SUGCT: variants seen among roughly 807,000 people sequenced by gnomAD.
SUGCT encodes succinyl-CoA:glutarate CoA-transferase.
Under a neutral mutation model 55.0 loss-of-function variants are expected in SUGCT, and 41 were observed. The observed-to-expected ratio is 0.74, with a 90% CI of 0.58 to 0.97. The LOEUF is 0.97. Among genes scored for constraint, SUGCT ranks in the 50% least tolerant of loss-of-function variants. The pLI is 0.00. For synonymous variants in SUGCT, 187 were observed against 200.4 expected, an observed-to-expected ratio of 0.93 and a Z score of 0.56; for missense variants, 568 against 547.8, an observed-to-expected ratio of 1.04 and a Z score of -0.37.
In SUGCT at chr7:40,333,489, T is replaced by C. The variant is rs377336468; in HGVS notation, c.816+16634T>C. ...ACATCTCTACTAAAAATATGAAAATTAGCCCAGTGTGGGGGCATGGACCTG... is the reference window on the plus strand; with the variant it reads ...ACATCTCTACTAAAAATATGAAAATCAGCCCAGTGTGGGGGCATGGACCTG... On this transcript the variant is annotated intron_variant, in intron 9 of 13. Coordinates refer to ENST00000335693, the MANE Select transcript of SUGCT (RefSeq NM_001193313.2). 4.0e-5 allele frequency among the ~76,000 whole-genome samples: 6 copies of C among 150,390 alleles called. No homozygotes were observed. The East Asian group carries it at 9.9e-4, about 25-fold the overall frequency.
At chr7:40,217,302 C>T (rs1053688305) in intron 6 of SUGCT, 62 of 321,370 alleles carry the variant, frequency 1.9e-4, no homozygotes, top group South Asian at 7.5e-4. Context: ...CCTCTGCCTC[C>T]GGGACTCAAG....
chr7:40,801,118 AAAG>A (rs908551606), intron 13 of SUGCT, among the ~76,000 whole-genome samples: 3 of 152,238 alleles, frequency 2.0e-5, no homozygotes, highest in South Asian at 2.1e-4. Flanking sequence ...TAATAGGTAG[AAAG>A]AAGAAGATTC....
At chr7:40,479,983 T>C (rs1183891452) in intron 11 of SUGCT, among the ~76,000 whole-genome samples, 1 of 152,194 alleles carries the variant, frequency 6.6e-6, no homozygotes, top group Non-Finnish European at 1.5e-5. Context: ...CTTCACTCAA[T>C]TGATTATTTT....
intron 9 of SUGCT, among the ~76,000 whole-genome samples, chr7:40,343,352 T>G (rs969533943): frequency 2.6e-5 from 4 of 152,212 alleles, no homozygotes; most frequent in African/African-American, 9.6e-5. Flanking sequence ...CCTCATAGCA[T>G]GTGCTGGCCA....
chr7:40,759,883 T>TA (rs556979737), intron 13 of SUGCT, among the ~76,000 whole-genome samples: 5,176 of 146,990 alleles, frequency 0.035, 203 homozygotes, highest in Admixed American at 0.12. Context: ...GTGTTTCTAT[T>TA]AAAAAAAAAA....
chr7:40,889,686 T>G, the SUGCT span, among the ~76,000 whole-genome samples: 1 of 152,302 alleles, frequency 6.6e-6, no homozygotes, highest in South Asian at 2.1e-4. Flanking sequence ...AGAAACTCCC[T>G]TCAAACTTCC....
chr7:40,797,612 T>C (rs1462348838), intron 13 of SUGCT, among the ~76,000 whole-genome samples: 1 of 152,158 alleles, frequency 6.6e-6, no homozygotes, highest in African/African-American at 2.4e-5. Context: ...CCATGTACCT[T>C]ACAGGCCAAT....
chr7:40,408,258 T>A (rs1354640047), intron 9 of SUGCT, among the ~76,000 whole-genome samples: 1 of 152,172 alleles, frequency 6.6e-6, no homozygotes, highest in Non-Finnish European at 1.5e-5. Flanking sequence ...TATTCTTTAG[T>A]TACTTTTCTA....
intron 11 of SUGCT, among the ~76,000 whole-genome samples, chr7:40,472,619 TC>T (rs1159699259): frequency 6.6e-6 from 1 of 152,000 alleles, no homozygotes; most frequent in Non-Finnish European, 1.5e-5. Flanking sequence ...GGAATATACA[TC>T]CATTTTTAAG....
intron 9 of SUGCT, among the ~76,000 whole-genome samples, chr7:40,431,602 A>C (rs1228890069): frequency 6.6e-6 from 1 of 151,998 alleles, no homozygotes; most frequent in Non-Finnish European, 1.5e-5. Context: ...TTCTGTTTTC[A>C]GTTTCTTTAA....
chr7:40,340,409 A>C (rs1796981227), intron 9 of SUGCT, among the ~76,000 whole-genome samples: 1 of 152,184 alleles, frequency 6.6e-6, no homozygotes, highest in South Asian at 2.1e-4. Flanking sequence ...TCCTCAATTT[A>C]AGAGAATGGA....
chr7:40,527,385 G>C (rs1043472902), intron 12 of SUGCT, among the ~76,000 whole-genome samples: 4 of 152,168 alleles, frequency 2.6e-5, no homozygotes, highest in Admixed American at 2.6e-4. Context: ...CAACTCTCTT[G>C]TTGCATTAGA....
At chr7:40,785,517 C>T (rs1167186393) in intron 13 of SUGCT, among the ~76,000 whole-genome samples, 3 of 152,200 alleles carry the variant, frequency 2.0e-5, no homozygotes, top group Non-Finnish European at 4.4e-5. Flanking sequence ...TGGTCACAAT[C>T]ACTGGGAAAT....
At chr7:40,887,160 G>C in the SUGCT span, among the ~76,000 whole-genome samples, 1 of 152,136 alleles carries the variant, frequency 6.6e-6, no homozygotes, top group Non-Finnish European at 1.5e-5. Flanking sequence ...TTGAAGCAGA[G>C]GCCAGATGAT....
intron 8 of SUGCT, among the ~76,000 whole-genome samples, chr7:40,298,667 T>C (rs1350218410): frequency 6.6e-6 from 1 of 152,164 alleles, no homozygotes; most frequent in Non-Finnish European, 1.5e-5. Flanking sequence ...ACCACTATCA[T>C]GTCTGGCTTC....
Position 40,788,970 on chromosome 7 carries a change from A to G in SUGCT, c.1153+39473A>G, listed in dbSNP as rs372906959. Among the ~76,000 whole-genome samples, 13 of 152,340 alleles carry G rather than the reference A, an allele frequency of 8.5e-5. No homozygotes were observed. The East Asian group carries it at 1.5e-3, about 18-fold the overall frequency. On this transcript the variant is annotated intron_variant, in intron 13 of 13. Transcript: ENST00000335693. Reference sequence around the variant, plus strand: ...CTGGCTGCCATATTTGTCACTACTCAGTTGGAGCCTGCTTCAAGTGAGCCA... The same window carrying G: ...CTGGCTGCCATATTTGTCACTACTCGGTTGGAGCCTGCTTCAAGTGAGCCA...
chr7:40,215,326 TA>T (rs1787564915), intron 6 of SUGCT, among the ~76,000 whole-genome samples: 2 of 152,046 alleles, frequency 1.3e-5, no homozygotes, highest in South Asian at 4.1e-4. Flanking sequence ...TATTTTATTT[TA>T]TTTTTTTGTA....
At chr7:40,499,671 G>A (rs546068714) in intron 12 of SUGCT, among the ~76,000 whole-genome samples, 1 of 152,198 alleles carries the variant, frequency 6.6e-6, no homozygotes, top group East Asian at 1.9e-4. Flanking sequence ...TAGAGTGGGA[G>A]TTTTATTGTC....
chr7:40,256,373 T>G (rs1011388666), intron 7 of SUGCT, among the ~76,000 whole-genome samples: 6 of 152,184 alleles, frequency 3.9e-5, no homozygotes, highest in Non-Finnish European at 2.9e-5. Flanking sequence ...GATTCCATAG[T>G]AAGACCCATA....
Sources: gnomAD v4.1 joint callset for allele counts (sites outside exome capture counted in the v4.1 genomes callset) on GRCh38, gnomAD v4.1.1 for gene constraint, MANE v1.5 for transcripts, NCBI Gene and HGNC (gene_info 2026-07-23, HGNC 2026-07-21) for gene names.